VAT1L: variants seen among roughly 807,000 people sequenced by gnomAD.
VAT1L encodes vesicle amine transport 1 like.
VAT1L carries 34 observed loss-of-function variants against 44.1 expected under a neutral mutation model. The ratio of observed to expected loss-of-function variants is 0.77; its 90% confidence interval spans 0.59 to 1.03. The LOEUF (loss-of-function observed/expected upper bound fraction) is 1.03. VAT1L is among the 50% of genes least tolerant of loss of function. VAT1L has a pLI of 0.00. For missense variants in VAT1L, 615 were observed against 538.8 expected (o/e 1.14, Z -1.40); for synonymous variants, 253 against 202.2 (o/e 1.25, Z -2.13).
Position 77,934,464 on chromosome 16 carries a change from C to A in VAT1L, c.1078-37386C>A, listed in dbSNP as rs551770870. On this transcript the variant is annotated intron_variant, in intron 7 of 8. Transcript: ENST00000302536. ...AAGCAGAATCCAAAAAACAAACAAA[C>A]AAAAAAAAATGGATTCTTCCCTAGA... Among the ~76,000 whole-genome samples the A allele has an allele frequency of 2.9e-3, 436 of 150,458 alleles. 7 individuals are homozygous for A. The highest frequency in any genetic ancestry group is 9.8e-3 in the African/African-American group (404 of 41,080).
At chr16:77,835,662 C>T (rs1170579077) in intron 3 of VAT1L, among the ~76,000 whole-genome samples, 1 of 152,120 alleles carries the variant, frequency 6.6e-6, no homozygotes, top group Non-Finnish European at 1.5e-5. Flanking sequence ...CACCTGAGGT[C>T]AGGAGTTCAA....
chr16:77,906,471 A>T (rs1384811003), intron 7 of VAT1L, among the ~76,000 whole-genome samples: 4 of 152,336 alleles, frequency 2.6e-5, no homozygotes, highest in Non-Finnish European at 4.4e-5. Context: ...GATCGCCTCA[A>T]ATCAGAGCCT....
intron 3 of VAT1L, among the ~76,000 whole-genome samples, chr16:77,832,604 G>C (rs567541885): frequency 6.6e-6 from 1 of 152,160 alleles, no homozygotes; most frequent in African/African-American, 2.4e-5. Flanking sequence ...CCACAGCCTG[G>C]GCTGGACCAT....
chr16:77,824,354 C>T (rs2016493702), intron 2 of VAT1L, among the ~76,000 whole-genome samples: 1 of 152,176 alleles, frequency 6.6e-6, no homozygotes, highest in African/African-American at 2.4e-5. Context: ...GGACAAGAAA[C>T]ATAGAGCTGT....
intron 5 of VAT1L, among the ~76,000 whole-genome samples, chr16:77,877,281 C>A (rs972942134): frequency 6.6e-6 from 1 of 151,994 alleles, no homozygotes; most frequent in Admixed American, 6.6e-5. Flanking sequence ...GAGGCCGAGG[C>A]GGGCGGATCA....
chr16:77,888,080 G>A (rs1365560232), intron 7 of VAT1L, among the ~76,000 whole-genome samples: 2 of 152,028 alleles, frequency 1.3e-5, no homozygotes, highest in East Asian at 3.9e-4. Flanking sequence ...CCCAATTTTT[G>A]ACAGTCTGCT....
At chr16:77,801,438 A>C (rs2016049934) in intron 1 of VAT1L, 1 of 152,232 alleles carries the variant, frequency 6.6e-6, no homozygotes, top group African/African-American at 2.4e-5. Context: ...GCAGCCCTTC[A>C]TAGTTTGATC....
intron 3 of VAT1L, among the ~76,000 whole-genome samples, chr16:77,854,270 T>G (rs1459789782): frequency 6.6e-6 from 1 of 152,208 alleles, no homozygotes; most frequent in Admixed American, 6.5e-5. Context: ...TCGGCACCTG[T>G]GTGTCACAGC....
chr16:77,883,176 T>C (rs944998382), intron 6 of VAT1L, among the ~76,000 whole-genome samples: 1 of 152,234 alleles, frequency 6.6e-6, no homozygotes, highest in Non-Finnish European at 1.5e-5. Context: ...ACATAAAGGC[T>C]ATCAATGTTT....
chr16:77,794,388 G>C (rs1057214482), intron 1 of VAT1L, among the ~76,000 whole-genome samples: 2 of 152,162 alleles, frequency 1.3e-5, no homozygotes, highest in South Asian at 4.1e-4. Flanking sequence ...CATCTAGATG[G>C]AGTTACTATG....
At chr16:77,940,344 T>TC (rs1235974522) in intron 7 of VAT1L, among the ~76,000 whole-genome samples, 1 of 145,134 alleles carries the variant, frequency 6.9e-6, no homozygotes, top group East Asian at 2.0e-4. Context: ...CACTTGGTTT[T>TC]TTTTTTTTTT....
At chr16:77,835,015 G>C (rs775770610) in intron 3 of VAT1L, among the ~76,000 whole-genome samples, 2 of 152,116 alleles carry the variant, frequency 1.3e-5, no homozygotes, top group African/African-American at 2.4e-5. Context: ...TATTGTTATT[G>C]TTATTACTGT....
chr16:77,856,060 T>C (rs1334669652), intron 3 of VAT1L, among the ~76,000 whole-genome samples: 1 of 152,006 alleles, frequency 6.6e-6, no homozygotes, highest in Non-Finnish European at 1.5e-5. Flanking sequence ...AGTGATAGAA[T>C]GAATGACTCA....
intron 1 of VAT1L, among the ~76,000 whole-genome samples, chr16:77,815,734 C>G (rs1460568554): frequency 6.6e-6 from 1 of 151,698 alleles, no homozygotes; most frequent in Admixed American, 6.6e-5. Flanking sequence ...TTTGGGAGAC[C>G]AAGGTGGGCG....
In VAT1L at chr16:77,808,315, G is replaced by A. The variant is rs117959649; in HGVS notation, c.234-8606G>A. On this transcript the variant is annotated intron_variant, in intron 1 of 8. Transcript: ENST00000302536. The stretch of plus-strand genomic sequence containing the variant: ...TCACTATCTCCTGTCACCCCCAGAT[G>A]GGACCGTCGAGTTGTAGGAAAACAA... Among the ~76,000 whole-genome samples the A allele has an allele frequency of 1.5e-3, 234 of 152,068 alleles. 9 individuals are homozygous for A. The East Asian group carries it at 0.044, about 28-fold the overall frequency.
intron 3 of VAT1L, among the ~76,000 whole-genome samples, chr16:77,831,629 A>G (rs142203233): frequency 1.8e-4 from 27 of 152,324 alleles, no homozygotes; most frequent in South Asian, 2.1e-4. Context: ...AATGAAAACC[A>G]TAGGAAGAGA....
At chr16:77,810,646 G>C (rs898910911) in intron 1 of VAT1L, among the ~76,000 whole-genome samples, 2 of 151,972 alleles carry the variant, frequency 1.3e-5, no homozygotes, top group Non-Finnish European at 2.9e-5. Context: ...CTCCAGCCTG[G>C]GTGACAGAGC....
intron 3 of VAT1L, among the ~76,000 whole-genome samples, chr16:77,860,906 CAAAATAA>C (rs1567490533): frequency 6.6e-6 from 1 of 152,170 alleles, no homozygotes; most frequent in Non-Finnish European, 1.5e-5. Flanking sequence ...CTTAAAATGT[CAAAATAA>C]GTAGACAGCA....
intron 1 of VAT1L, among the ~76,000 whole-genome samples, chr16:77,796,965 C>T (rs1033489690): frequency 1.3e-5 from 2 of 152,028 alleles, no homozygotes; most frequent in African/African-American, 4.8e-5. Flanking sequence ...ACACTGGAGG[C>T]TCTAAAAGGT....
Sources: gnomAD v4.1 joint callset for allele counts (sites outside exome capture counted in the v4.1 genomes callset) on GRCh38, gnomAD v4.1.1 for gene constraint, MANE v1.5 for transcripts, NCBI Gene and HGNC (gene_info 2026-07-23, HGNC 2026-07-21) for gene names.